The following TSPAN9 variants were observed in gnomAD, a reference collection of about 807,000 sequenced individuals.
TSPAN9 encodes tetraspanin-9.
TSPAN9 carries 16 observed loss-of-function variants against 31.0 expected under a neutral mutation model. The observed-to-expected ratio is 0.52, with a 90% confidence interval of 0.35 to 0.78. The LOEUF is 0.78. Ranked by LOEUF, TSPAN9 falls within the 30% of genes least tolerant of loss-of-function variation. The pLI, the probability that TSPAN9 is intolerant of heterozygous loss-of-function variation, is 0.01. For synonymous variants in TSPAN9, 145 were observed against 121.6 expected (o/e 1.19, Z -1.27); for missense variants, 272 against 312.5 (o/e 0.87, Z 0.98).
chr12:3,108,397 A>G (rs1046406708), intron 2 of TSPAN9, among the ~76,000 whole-genome samples: 1 of 152,202 alleles, frequency 6.6e-6, no homozygotes, highest in African/African-American at 2.4e-5. Context: ...TTTAAATTCC[A>G]GGGTTACTCT....
At chr12:3,127,448 T>C (rs2098327856) in intron 2 of TSPAN9, among the ~76,000 whole-genome samples, 7 of 151,866 alleles carry the variant, frequency 4.6e-5, no homozygotes, top group Admixed American at 4.6e-4. Context: ...CTCCGTCTCC[T>C]GGGTTCACGC....
intron 3 of TSPAN9, among the ~76,000 whole-genome samples, chr12:3,253,899 T>C (rs536519145): frequency 1.3e-5 from 2 of 152,210 alleles, no homozygotes; most frequent in Non-Finnish European, 2.9e-5. Context: ...CCCAGGTGCG[T>C]GGCTGCAGCC....
chr12:3,216,151 C>T (rs1207820693), intron 3 of TSPAN9, among the ~76,000 whole-genome samples: 2 of 152,222 alleles, frequency 1.3e-5, no homozygotes, highest in African/African-American at 2.4e-5. Flanking sequence ...CACCCCCACC[C>T]CAGCCCTGGG....
Position 3,111,215 on chromosome 12 carries a change from A to G in TSPAN9, c.-18+27496A>G, listed in dbSNP as rs140702033. Among the ~76,000 whole-genome samples the G allele has an allele frequency of 3.2e-4, 48 of 152,236 alleles. No homozygotes were observed. In the East Asian group the frequency reaches 9.1e-3, roughly 29 times the overall value. ...TTCTGCTCCTCCTCTGAATTCTTGT[A>G]CCACTTCAGAACATAGTCCAGATCC... is the stretch of plus-strand genomic sequence containing the variant. On this transcript the variant is annotated intron_variant, in intron 2 of 8. Transcript: ENST00000011898.
At position 3,203,390 on chromosome 12, in the gene TSPAN9, T is replaced by A. The variant is rs139013950; in HGVS notation, c.63+2134T>A. On this transcript the variant is annotated intron_variant, in intron 3 of 8. Transcript: ENST00000011898. ...AGTTCCACTTGATGGGGAAGAGAAG[T>A]TAGATCTCACACTTGCCTCTGATAA... is the stretch of plus-strand genomic sequence containing the variant. Among the ~76,000 whole-genome samples, 295 of 152,320 alleles carry A rather than the reference T, an allele frequency of 1.9e-3. 1 individual carries two copies. The highest frequency in any genetic ancestry group is 7.0e-3 in the African/African-American group (290 of 41,564).
chr12:3,218,505 G>A lies in TSPAN9; in HGVS notation c.63+17249G>A, dbSNP rs138284985. ...TATGATGGCCAGGACTTCTCACCTGGCCTTCTCAGGCAAGCCTGGGTGGGC... is the reference window on the plus strand; with the variant it reads ...TATGATGGCCAGGACTTCTCACCTGACCTTCTCAGGCAAGCCTGGGTGGGC... On this transcript the variant is annotated intron_variant, in intron 3 of 8. Coordinates refer to ENST00000011898, the MANE Select transcript of TSPAN9 (RefSeq NM_006675.5). Among the ~76,000 whole-genome samples the A allele has an allele frequency of 3.9e-3, 597 of 152,352 alleles. 4 individuals carry two copies. Among genetic ancestry groups the A allele is most frequent in the South Asian group, 0.015 (73 of 4,826 alleles).
At chr12:3,096,290 C>T (rs1393871484) in intron 2 of TSPAN9, among the ~76,000 whole-genome samples, 2 of 152,338 alleles carry the variant, frequency 1.3e-5, no homozygotes, top group South Asian at 2.1e-4. Context: ...GCCACCTCTA[C>T]CTCCCGATTC....
At position 3,193,698 on chromosome 12, in the gene TSPAN9, C is replaced by G. The variant is rs567751033; in HGVS notation, c.-17-7479C>G. 1.4e-3 allele frequency among the ~76,000 whole-genome samples: 208 copies of G among 152,358 alleles called. 1 individual carries two copies. The highest frequency in any genetic ancestry group is 4.8e-3 in the African/African-American group (200 of 41,584). ...TGGGGCAGCAGTGCTCCTGGCTGTG[C>G]TCCGTGGAGCCCCTCCAAGAGGCCC... On this transcript the variant is annotated intron_variant, in intron 2 of 8. Transcript: ENST00000011898.
intron 2 of TSPAN9, among the ~76,000 whole-genome samples, chr12:3,100,285 A>G (rs2098311279): frequency 6.6e-6 from 1 of 152,140 alleles, no homozygotes; most frequent in African/African-American, 2.4e-5. Flanking sequence ...GATCAGCCAG[A>G]GAGTCTGGGT....
rs143892061 is a variant in TSPAN9, at chr12:3,150,326, C to T, written c.-17-50851C>T. Among the ~76,000 whole-genome samples the T allele has an allele frequency of 8.1e-4, 123 of 152,182 alleles. 2 individuals carry two copies. The highest frequency in any genetic ancestry group is 2.2e-3 in the African/African-American group (91 of 41,512). ...AGAGATTAGGGGGCTTGACTAAGGC[C>T]GCACAGTGAGTTAGTATTTTGTTGA... is the stretch of plus-strand genomic sequence containing the variant. On this transcript the variant is annotated intron_variant, in intron 2 of 8. Coordinates refer to ENST00000011898, the MANE Select transcript of TSPAN9 (RefSeq NM_006675.5).
intron 2 of TSPAN9, among the ~76,000 whole-genome samples, chr12:3,146,730 G>C (rs2098337429): frequency 6.6e-6 from 1 of 152,114 alleles, no homozygotes; most frequent in Non-Finnish European, 1.5e-5. Flanking sequence ...CCAGTGCTGA[G>C]ATCTTCCTGG....
chr12:3,221,360 C>CT (rs61424013), intron 3 of TSPAN9, among the ~76,000 whole-genome samples: 9,144 of 141,276 alleles, frequency 0.065, 801 homozygotes, highest in African/African-American at 0.21. Flanking sequence ...ATATTTTTCT[C>CT]TTTTTTTTTT....
intron 3 of TSPAN9, among the ~76,000 whole-genome samples, chr12:3,230,247 G>T (rs911688889): frequency 2.0e-5 from 3 of 152,168 alleles, no homozygotes; most frequent in Non-Finnish European, 4.4e-5. Context: ...ATCACACGTT[G>T]TCCAGGAGGA....
At chr12:3,259,484 G>A (rs186568443) in intron 3 of TSPAN9, among the ~76,000 whole-genome samples, 6 of 152,352 alleles carry the variant, frequency 3.9e-5, no homozygotes, top group African/African-American at 9.6e-5. Context: ...CATCACCGTA[G>A]GGGTGCATGA....
At chr12:3,242,585 G>A (rs539038904) in intron 3 of TSPAN9, among the ~76,000 whole-genome samples, 189 of 152,360 alleles carry the variant, frequency 1.2e-3, no homozygotes, top group African/African-American at 4.2e-3. Context: ...GATGGGGACT[G>A]TCCCTGCTAT....
At position 3,174,198 on chromosome 12, in the gene TSPAN9, C is replaced by T. The variant is rs372303990; in HGVS notation, c.-17-26979C>T. ...TCCTCCTGCCTCAGCCTCCTGAGTA[C>T]CTGGGGCTACAGGCACATGCCACCA... is the stretch of plus-strand genomic sequence containing the variant. On this transcript the variant is annotated intron_variant, in intron 2 of 8. Transcript: ENST00000011898. The T allele has an allele frequency of 2.6e-5, 4 of 152,022 alleles. No individual in the cohort carries two copies. The East Asian group carries it at 5.8e-4, about 22-fold the overall frequency. 9.4% of individuals were successfully genotyped at this position (152,022 alleles called of 1,614,324 possible). A position where few individuals can be genotyped will look rare whatever the true frequency, so the allele number is the denominator to read the frequency against.
intron 2 of TSPAN9, among the ~76,000 whole-genome samples, chr12:3,191,635 T>A (rs1214353534): frequency 1.3e-5 from 2 of 152,106 alleles, no homozygotes; most frequent in African/African-American, 4.8e-5. Flanking sequence ...TGGCCCTGCC[T>A]GCCCTGTGCC....
chr12:3,155,638 C>T lies in TSPAN9; in HGVS notation c.-17-45539C>T, dbSNP rs142145511. Among the ~76,000 whole-genome samples the T allele has an allele frequency of 8.9e-3, 1,351 of 152,112 alleles. 9 individuals carry two copies. The highest frequency in any genetic ancestry group is 0.014 in the Non-Finnish European group (934 of 67,992). The stretch of plus-strand genomic sequence containing the variant: ...AGAGGGAGCGAGAGCAAGACCACGT[C>T]TTCCTTTTCTAGTCCCTTTGGGAGG... On this transcript the variant is annotated intron_variant, in intron 2 of 8. Transcript: ENST00000011898.
intron 3 of TSPAN9, among the ~76,000 whole-genome samples, chr12:3,274,747 A>G (rs993681061): frequency 1.3e-5 from 2 of 152,236 alleles, no homozygotes; most frequent in African/African-American, 4.8e-5. Flanking sequence ...AGATGGGAGC[A>G]GAGAGCTCAT....
Sources: allele counts gnomAD v4.1 joint callset (sites outside exome capture counted in the v4.1 genomes callset), GRCh38; gene constraint gnomAD v4.1.1; transcripts MANE v1.5; gene names NCBI Gene and HGNC (gene_info 2026-07-23, HGNC 2026-07-21).